UNC13C: variants seen among roughly 807,000 people sequenced by gnomAD.
UNC13C encodes the protein protein unc-13 homolog C.
UNC13C carries 174 observed loss-of-function variants against 245.4 expected under a neutral mutation model. The observed-to-expected ratio is 0.71, with a 90% confidence interval of 0.63 to 0.80. The LOEUF (loss-of-function observed/expected upper bound fraction) is 0.80, where lower values mean the gene tolerates loss of function less well. UNC13C is among the 30% of genes least tolerant of loss of function. UNC13C has a pLI of 0.00. For missense variants in UNC13C, 2,829 were observed against 2,602.9 expected, an observed-to-expected ratio of 1.09 and a Z score of -1.89; for synonymous variants, 992 against 895.1, an observed-to-expected ratio of 1.11 and a Z score of -1.93.
intron 29 of UNC13C, among the ~76,000 whole-genome samples, chr15:54,560,257 T>C (rs1175184831): frequency 6.6e-6 from 1 of 151,862 alleles, no homozygotes; most frequent in African/African-American, 2.4e-5. Flanking sequence ...CTTCTTATAA[T>C]CTTGTAAGGA....
intron 14 of UNC13C, among the ~76,000 whole-genome samples, chr15:54,325,444 G>A (rs2038274148): frequency 6.6e-6 from 1 of 151,928 alleles, no homozygotes; most frequent in African/African-American, 2.4e-5. Flanking sequence ...AAGTTCCAGG[G>A]TACATGTGCA....
intron 2 of UNC13C, among the ~76,000 whole-genome samples, chr15:54,081,393 G>A (rs34572037): frequency 0.47 from 71,029 of 151,560 alleles, 18,525 homozygotes; most frequent in Non-Finnish European, 0.6. Context: ...GAGTGTTGAA[G>A]CCCTTCACTA....
At chr15:54,341,502 G>A (rs958352763) in intron 17 of UNC13C, among the ~76,000 whole-genome samples, 3 of 152,086 alleles carry the variant, frequency 2.0e-5, no homozygotes, top group Non-Finnish European at 4.4e-5. Context: ...GGGATCAGTC[G>A]TACGCAAACC....
intron 2 of UNC13C, among the ~76,000 whole-genome samples, chr15:54,078,928 A>T (rs899169858): frequency 2.0e-5 from 3 of 152,080 alleles, no homozygotes; most frequent in African/African-American, 7.2e-5. Context: ...TTATTCTAGA[A>T]TTTTTATAGT....
chr15:54,447,319 A>G (rs966074130), intron 19 of UNC13C, among the ~76,000 whole-genome samples: 4 of 152,046 alleles, frequency 2.6e-5, no homozygotes, highest in African/African-American at 2.4e-5. Flanking sequence ...CTCTTTTTCT[A>G]TTGATTGGAA....
At chr15:54,545,395 C>G (rs1007023017) in intron 26 of UNC13C, among the ~76,000 whole-genome samples, 7 of 152,072 alleles carry the variant, frequency 4.6e-5, no homozygotes, top group African/African-American at 1.7e-4. Flanking sequence ...TGGGCAAAAA[C>G]TTCATGACTA....
At chr15:54,205,708 T>A (rs1333409598) in intron 4 of UNC13C, among the ~76,000 whole-genome samples, 1 of 152,066 alleles carries the variant, frequency 6.6e-6, no homozygotes, top group Non-Finnish European at 1.5e-5. Flanking sequence ...CTGTCATCTT[T>A]TAAGCTTCTC....
At chr15:54,088,832 C>A (rs1253697647) in intron 2 of UNC13C, among the ~76,000 whole-genome samples, 1 of 152,194 alleles carries the variant, frequency 6.6e-6, no homozygotes, top group East Asian at 1.9e-4. Flanking sequence ...GCATAGTTTA[C>A]TGTTCTTTCT....
chr15:54,595,335 A>T (rs1286014313), intron 30 of UNC13C, among the ~76,000 whole-genome samples: 2 of 152,054 alleles, frequency 1.3e-5, no homozygotes, highest in Non-Finnish European at 2.9e-5. Context: ...CACAGGGAAG[A>T]CCAACTCAAC....
At chr15:54,002,102 C>A (rs553960455) in intron 1 of UNC13C, among the ~76,000 whole-genome samples, 1 of 152,150 alleles carries the variant, frequency 6.6e-6, no homozygotes, top group Non-Finnish European at 1.5e-5. Context: ...CTGGCTAACA[C>A]GGTGAAACAC....
At chr15:54,363,710 C>A (rs1043789069) in intron 17 of UNC13C, among the ~76,000 whole-genome samples, 3 of 152,160 alleles carry the variant, frequency 2.0e-5, no homozygotes, top group African/African-American at 7.2e-5. Flanking sequence ...ACAGCTATAG[C>A]AACAGACTAT....
chr15:54,525,162 T>G (rs1357843371), intron 24 of UNC13C, among the ~76,000 whole-genome samples: 3 of 152,186 alleles, frequency 2.0e-5, no homozygotes, highest in African/African-American at 7.2e-5. Context: ...ACAGGGATAT[T>G]AAAGATTTAA....
chr15:54,024,754 A>G (rs1355510895), intron 2 of UNC13C, among the ~76,000 whole-genome samples: 2 of 152,004 alleles, frequency 1.3e-5, no homozygotes, highest in Non-Finnish European at 2.9e-5. Context: ...CGTCTCTAAA[A>G]ACACAAAAAA....
chr15:54,066,105 C>G (rs1159027435), intron 2 of UNC13C, among the ~76,000 whole-genome samples: 1 of 152,136 alleles, frequency 6.6e-6, no homozygotes, highest in African/African-American at 2.4e-5. Flanking sequence ...CATTCTTAAC[C>G]CAGTCAGCAG....
At chr15:54,580,191 T>C (rs1357480969) in intron 30 of UNC13C, among the ~76,000 whole-genome samples, 1 of 152,222 alleles carries the variant, frequency 6.6e-6, no homozygotes, top group African/African-American at 2.4e-5. Context: ...GTGGCGTTAA[T>C]TGGAAACTGC....
intron 1 of UNC13C, among the ~76,000 whole-genome samples, chr15:53,987,607 C>T (rs766622357): frequency 2.0e-5 from 3 of 151,984 alleles, no homozygotes; most frequent in Admixed American, 6.6e-5. Context: ...GCTTACAGTA[C>T]TTCTGCAATT....
intron 4 of UNC13C, among the ~76,000 whole-genome samples, chr15:54,203,299 C>G (rs1227694456): frequency 6.6e-6 from 1 of 151,698 alleles, no homozygotes; most frequent in Non-Finnish European, 1.5e-5. Flanking sequence ...AGTAGATCTA[C>G]TGTTGATCCA....
At chr15:54,547,468 A>T (rs1441531638) in intron 27 of UNC13C, among the ~76,000 whole-genome samples, 3 of 152,206 alleles carry the variant, frequency 2.0e-5, no homozygotes, top group Non-Finnish European at 4.4e-5. Context: ...AATAACACTA[A>T]CAAGCACCTG....
intron 5 of UNC13C, among the ~76,000 whole-genome samples, chr15:54,235,844 C>T (rs901954069): frequency 2.0e-5 from 3 of 151,944 alleles, no homozygotes; most frequent in East Asian, 3.9e-4. Context: ...AGCGAGACTC[C>T]GTCTCAAAAA....
Sources: gnomAD v4.1 joint callset for allele counts (sites outside exome capture counted in the v4.1 genomes callset) on GRCh38, gnomAD v4.1.1 for gene constraint, MANE v1.5 for transcripts, NCBI Gene and HGNC (gene_info 2026-07-23, HGNC 2026-07-21) for gene names.